The following MALRD1 variants were observed in gnomAD, a reference collection of about 807,000 sequenced individuals.
MALRD1 encodes MAM and LDL receptor class A domain containing 1.
MALRD1 carries 247 observed loss-of-function variants against 242.1 expected under a neutral mutation model. The ratio of observed to expected loss-of-function variants is 1.02; its 90% CI spans 0.92 to 1.13. MALRD1 has a LOEUF of 1.13. Among genes scored for constraint, MALRD1 ranks in the 50% most tolerant of loss-of-function variants. MALRD1 has a pLI of 0.00. For missense variants in MALRD1, 2,989 were observed against 2,533.1 expected, an observed-to-expected ratio of 1.18 and a Z score of -3.86; for synonymous variants, 995 against 866.6, an observed-to-expected ratio of 1.15 and a Z score of -2.60.
intron 18 of MALRD1, among the ~76,000 whole-genome samples, chr10:19,238,478 A>G (rs71491157): frequency 0.66 from 44,248 of 67,398 alleles, 15,106 homozygotes; most frequent in South Asian, 0.78. Flanking sequence ...AATATATAAT[A>G]TACATTATAT....
chr10:19,380,437 C>T (rs1242030648), intron 26 of MALRD1, among the ~76,000 whole-genome samples: 2 of 151,962 alleles, frequency 1.3e-5, no homozygotes, highest in South Asian at 2.1e-4. Context: ...TTCCCCTCAG[C>T]TGTTCAGTAG....
In MALRD1 at chr10:19,556,317, TAG is replaced by T. The variant is rs1198427767; in HGVS notation, c.5479-11184_5479-11183del. Among the ~76,000 whole-genome samples the T allele has an allele frequency of 2.6e-5, 4 of 152,156 alleles. No individual in the cohort carries two copies. The East Asian group carries it at 7.7e-4, about 29-fold the overall frequency. On this transcript the variant is annotated intron_variant, in intron 32 of 39. Coordinates refer to ENST00000454679, the MANE Select transcript of MALRD1 (RefSeq NM_001142308.3). ...TATCATTAAAGTTTATAGTTTACAC[TAG>T]GGCTTACTCTGGGTTGCACATTTCA...
At chr10:19,694,469 A>G (rs899672170) in intron 38 of MALRD1, among the ~76,000 whole-genome samples, 2 of 152,250 alleles carry the variant, frequency 1.3e-5, no homozygotes, top group East Asian at 1.9e-4. Flanking sequence ...GACACATGAA[A>G]AAATGCTCAT....
rs1021475066 is a variant in MALRD1 at position 19,129,576 on chromosome 10, G to A, written c.1110+1189G>A. 3.8e-4 allele frequency among the ~76,000 whole-genome samples: 58 copies of A among 151,944 alleles called. 1 individual carries two copies. On this transcript the variant is annotated intron_variant, in intron 8 of 39. Coordinates refer to ENST00000454679, the MANE Select transcript of MALRD1 (RefSeq NM_001142308.3). ...CTCTCTTCTTCCCCAAAGAGGTGGG[G>A]CTGAAAGTTCCAAGCTTCTAATCAT...
intron 34 of MALRD1, among the ~76,000 whole-genome samples, chr10:19,605,838 A>G (rs958549381): frequency 1.3e-5 from 2 of 151,866 alleles, no homozygotes; most frequent in African/African-American, 2.4e-5. Flanking sequence ...TCTTGTCATC[A>G]CCATGTATGA....
At chr10:19,530,375 A>C (rs1217577422) in intron 31 of MALRD1, among the ~76,000 whole-genome samples, 1 of 99,280 alleles carries the variant, frequency 1.0e-5, no homozygotes, top group Non-Finnish European at 1.8e-5. Flanking sequence ...AAATATTTAT[A>C]TAAATATTAT....
At chr10:19,664,962 T>C (rs1395612619) in intron 36 of MALRD1, among the ~76,000 whole-genome samples, 1 of 152,150 alleles carries the variant, frequency 6.6e-6, no homozygotes, top group African/African-American at 2.4e-5. Flanking sequence ...TTACCTTGAA[T>C]CTTAGCAGAT....
chr10:19,182,191 T>G (rs1835536516), intron 14 of MALRD1, among the ~76,000 whole-genome samples: 1 of 152,102 alleles, frequency 6.6e-6, no homozygotes, highest in African/African-American at 2.4e-5. Flanking sequence ...TTTAAGAACC[T>G]TACCTATATA....
chr10:19,450,827 C>T (rs1325924098), intron 29 of MALRD1, among the ~76,000 whole-genome samples: 2 of 152,070 alleles, frequency 1.3e-5, no homozygotes, highest in Admixed American at 1.3e-4. Context: ...TAGATGGCAC[C>T]TTCTTGCTGT....
intron 36 of MALRD1, among the ~76,000 whole-genome samples, chr10:19,662,328 C>G (rs150879148): frequency 6.6e-6 from 1 of 152,104 alleles, no homozygotes; most frequent in Non-Finnish European, 1.5e-5. Flanking sequence ...TCCACTGAGG[C>G]TCTCCTTCAC....
At chr10:19,285,663 G>C (rs899766313) in intron 21 of MALRD1, among the ~76,000 whole-genome samples, 29 of 139,340 alleles carry the variant, frequency 2.1e-4, no homozygotes, top group Non-Finnish European at 3.1e-5. Flanking sequence ...TAGCCTTGTA[G>C]TATAGTTTGA....
intron 5 of MALRD1, among the ~76,000 whole-genome samples, chr10:19,115,784 G>C (rs1217221802): frequency 1.3e-5 from 2 of 152,122 alleles, no homozygotes; most frequent in African/African-American, 4.8e-5. Flanking sequence ...GCTGAGACGG[G>C]AGAATCGCTT....
At chr10:19,087,491 C>T (rs1471398682) in intron 2 of MALRD1, among the ~76,000 whole-genome samples, 3 of 150,780 alleles carry the variant, frequency 2.0e-5, no homozygotes, top group African/African-American at 7.3e-5. Context: ...TGAATTATCA[C>T]TTGGCGCCTT....
rs565937992 is a variant in MALRD1, at chr10:19,218,101, C to T, written c.2991+8421C>T. Among the ~76,000 whole-genome samples the T allele has an allele frequency of 2.6e-5, 4 of 151,870 alleles. No individual in the cohort carries two copies. In the South Asian group the frequency reaches 6.3e-4, roughly 24 times the overall value. On this transcript the variant is annotated intron_variant, in intron 18 of 39. Coordinates refer to ENST00000454679, the MANE Select transcript of MALRD1 (RefSeq NM_001142308.3). ...ACATGAAACTATGGAGCTAGTATGT[C>T]GGCTCATTTAAGCAATGATTGGTTT...
intron 14 of MALRD1, among the ~76,000 whole-genome samples, chr10:19,176,018 C>G (rs1457230438): frequency 6.6e-6 from 1 of 152,102 alleles, no homozygotes; most frequent in Non-Finnish European, 1.5e-5. Flanking sequence ...GTTACTTTCT[C>G]TTTCTAGTAC....
chr10:19,359,313 T>C (rs1024900090), intron 26 of MALRD1, among the ~76,000 whole-genome samples: 1 of 152,190 alleles, frequency 6.6e-6, no homozygotes, highest in South Asian at 2.1e-4. Flanking sequence ...CTAATATCTG[T>C]ATTGGAAATA....
At chr10:19,219,185 T>G (rs1226007800) in intron 18 of MALRD1, among the ~76,000 whole-genome samples, 1 of 152,114 alleles carries the variant, frequency 6.6e-6, no homozygotes, top group Non-Finnish European at 1.5e-5. Context: ...GGTATAATGG[T>G]CTCATGAAGG....
At chr10:19,727,029 C>A (rs1195792861) in intron 38 of MALRD1, among the ~76,000 whole-genome samples, 1 of 152,162 alleles carries the variant, frequency 6.6e-6, no homozygotes, top group Non-Finnish European at 1.5e-5. Context: ...GGTAGCACAA[C>A]ACTGTGAGTG....
chr10:19,576,600 G>A (rs1280401603), intron 33 of MALRD1, among the ~76,000 whole-genome samples: 1 of 152,126 alleles, frequency 6.6e-6, no homozygotes, highest in Admixed American at 6.6e-5. Context: ...TTATTCTTTA[G>A]TACACCTACT....
Sources: gnomAD v4.1 joint callset for allele counts (sites outside exome capture counted in the v4.1 genomes callset) on GRCh38, gnomAD v4.1.1 for gene constraint, MANE v1.5 for transcripts, NCBI Gene and HGNC (gene_info 2026-07-23, HGNC 2026-07-21) for gene names.